DGKH: variants seen among roughly 807,000 people sequenced by gnomAD.
DGKH encodes DAG kinase eta.
In DGKH, 90 loss-of-function variants were observed where a neutral mutation model predicts 159.3. The ratio of observed to expected loss-of-function variants is 0.57; its 90% CI spans 0.48 to 0.67. The LOEUF (loss-of-function observed/expected upper bound fraction) is 0.67. DGKH is among the 30% of genes least tolerant of loss of function. The pLI is 0.00. For missense variants in DGKH, 1,181 were observed against 1,506.1 expected (o/e 0.78, Z 3.57); for synonymous variants, 536 against 553.8 (o/e 0.97, Z 0.45).
chr13:42,230,740 A>G lies in DGKH; in HGVS notation c.*1552A>G, dbSNP rs1009491802. 6.6e-6 allele frequency: 1 copy of G among 152,098 alleles called. No individual in the cohort carries two copies. Among genetic ancestry groups the G allele is most frequent in the Non-Finnish European group, 1.5e-5 (1 of 68,028 alleles). 9.4% of individuals were successfully genotyped at this position (152,098 alleles called of 1,614,324 possible). A position where few individuals can be genotyped will look rare whatever the true frequency, so the allele number is the denominator to read the frequency against. ...TATATGTGTATATATATACCTACATACATATAACCTTGTGATATGGCATCA... is the reference window on the plus strand; with the variant it reads ...TATATGTGTATATATATACCTACATGCATATAACCTTGTGATATGGCATCA... On this transcript the variant is annotated 3_prime_UTR_variant, in exon 30 of 30. Transcript: ENST00000337343.
chr13:42,187,097 G>T lies in DGKH; in HGVS notation c.1587G>T (p.Thr529=). The T allele has an allele frequency of 6.2e-7, 1 of 1,614,090 alleles. No individual in the cohort carries two copies. Among genetic ancestry groups the T allele is most frequent in the Non-Finnish European group, 8.5e-7 (1 of 1,179,964 alleles). ...VKDFVAKVEK[T]YDKTLENAVV... ...ACTTCGTTGCCAAAGTAGAAAAGACGTATGACAAAACCTTGGAAAATGCCG... is the reference window on the plus strand; with the variant it reads ...ACTTCGTTGCCAAAGTAGAAAAGACTTATGACAAAACCTTGGAAAATGCCG... The change falls in exon 14 of 30, where the codon ACG becomes ACT. Residue 529 remains threonine, a synonymous_variant. Coordinates refer to ENST00000337343, the MANE Select transcript of DGKH (RefSeq NM_178009.5).
chr13:42,146,455 CAT>C (rs1447050072), intron 3 of DGKH, among the ~76,000 whole-genome samples: 1 of 152,094 alleles, frequency 6.6e-6, no homozygotes, highest in African/African-American at 2.4e-5. Flanking sequence ...TGTACAAAGA[CAT>C]GTATACAAGG....
At chr13:42,130,648 CAG>C (rs1955271591) in intron 3 of DGKH, among the ~76,000 whole-genome samples, 1 of 152,128 alleles carries the variant, frequency 6.6e-6, no homozygotes, top group African/African-American at 2.4e-5. Context: ...CTAGGCATGA[CAG>C]AGCAGGGGAG....
rs1566152614 is a variant in DGKH, at chr13:42,168,755, A to G, written c.1304A>G (p.Asp435Gly). 5 of 1,614,174 alleles carry G rather than the reference A, an allele frequency of 3.1e-6. No individual in the cohort carries two copies. The highest frequency in any genetic ancestry group is 3.4e-6 in the Non-Finnish European group (4 of 1,180,016). ...CTTGGCTGGGGAGGTTCATATGACGATGACACCCAACTTCCTCAGATCCTA... is the reference window on the plus strand; with the variant it reads ...CTTGGCTGGGGAGGTTCATATGACGGTGACACCCAACTTCCTCAGATCCTA... ...RVLGWGGSYD[D>G]DTQLPQILEK... The change falls in exon 11 of 30, where the codon GAT becomes GGT. Residue 435 changes from aspartate (D) to glycine (G), a missense_variant. By Grantham distance (94) the Asp-to-Gly change is moderately conservative. Coordinates refer to ENST00000337343, the MANE Select transcript of DGKH (RefSeq NM_178009.5).
At chr13:42,098,527 T>A (rs1954591756) in intron 1 of DGKH, among the ~76,000 whole-genome samples, 1 of 152,144 alleles carries the variant, frequency 6.6e-6, no homozygotes, top group Non-Finnish European at 1.5e-5. Flanking sequence ...TTTGTTAATG[T>A]GTAGTGGCAT....
At chr13:42,138,021 T>G in intron 3 of DGKH, 2 of 897,840 alleles carry the variant, frequency 2.2e-6, no homozygotes, top group Non-Finnish European at 2.7e-6. Flanking sequence ...ACAGGCCCCT[T>G]GTGAGGTAAT....
At chr13:42,206,012 C>CTTTT in intron 20 of DGKH, 27 bp from the exon 21 acceptor site, 110 of 1,130,876 alleles carry the variant, frequency 9.7e-5, no homozygotes, top group Non-Finnish European at 1.2e-4. Flanking sequence ...CTAATCTCTA[C>CTTTT]TTTTTTTTTT....
intron 1 of DGKH, among the ~76,000 whole-genome samples, chr13:42,107,478 C>G (rs1299230664): frequency 1.3e-5 from 2 of 152,148 alleles, no homozygotes; most frequent in African/African-American, 4.8e-5. Context: ...GATGAACAAC[C>G]AATAAAGATT....
At chr13:42,189,966 C>G (rs1005718517) in intron 15 of DGKH, among the ~76,000 whole-genome samples, 44 of 152,088 alleles carry the variant, frequency 2.9e-4, no homozygotes, top group Non-Finnish European at 7.4e-5. Flanking sequence ...CTGCACCCTG[C>G]CAGAAAATAT....
chr13:42,096,821 A>T (rs543735524), intron 1 of DGKH, among the ~76,000 whole-genome samples: 2 of 152,350 alleles, frequency 1.3e-5, no homozygotes, highest in African/African-American at 2.4e-5. Context: ...GAAAATGTAC[A>T]AAGATTATTC....
chr13:42,168,870 A>AT (rs34761363), intron 11 of DGKH, 52 bp downstream of exon 11: 186,390 of 1,533,878 alleles, frequency 0.12, 14,621 homozygotes, highest in East Asian at 0.43. Context: ...TACTGAAATC[A>AT]TTTTTTTGAT....
In DGKH at chr13:42,219,724, C is replaced by T. The variant is rs1957917406; in HGVS notation, c.3372C>T (p.Ser1124=). ...ATTGCACCAAAAGGAACAACAGAAG[C>T]ACCGTATTTCGAATAGTGCCAAAGT... ...PMDCTKRNNR[S]TVFRIVPKFK... is the part of the protein sequence containing the mutation. The change falls in exon 28 of 30, where the codon AGC becomes AGT. Residue 1124 remains serine, a synonymous_variant. Coordinates refer to ENST00000337343, the MANE Select transcript of DGKH (RefSeq NM_178009.5). 3 of 1,613,678 alleles carry T rather than the reference C, an allele frequency of 1.9e-6. No homozygotes were observed. Among genetic ancestry groups the T allele is most frequent in the African/African-American group, 1.3e-5 (1 of 74,880 alleles).
chr13:42,041,456 G>T (rs1880500522), intron 1 of DGKH, among the ~76,000 whole-genome samples: 2 of 152,214 alleles, frequency 1.3e-5, no homozygotes, highest in Non-Finnish European at 2.9e-5. Context: ...GGTTTTGCCG[G>T]GGACGAAGCA....
chr13:42,174,339 AG>A (rs1383622508), intron 12 of DGKH, among the ~76,000 whole-genome samples, 195 bp downstream of exon 12: 4 of 152,304 alleles, frequency 2.6e-5, no homozygotes, highest in African/African-American at 9.6e-5. Context: ...TCTAGGCTAG[AG>A]TCCTTCCATG....
intron 11 of DGKH, among the ~76,000 whole-genome samples, chr13:42,170,142 A>G (rs1407471887): frequency 5.3e-5 from 8 of 152,236 alleles, no homozygotes; most frequent in Non-Finnish European, 7.3e-5. Flanking sequence ...GTGGTTACCA[A>G]ACAAAAGGGG....
intron 13 of DGKH, among the ~76,000 whole-genome samples, chr13:42,181,141 A>G (rs562091654): frequency 3.3e-5 from 5 of 151,934 alleles, no homozygotes; most frequent in South Asian, 2.1e-4. Flanking sequence ...GCCGGGCGTG[A>G]TGGTGGGCGC....
Position 42,197,568 on chromosome 13 carries a change from G to T in DGKH, c.2168-910G>T, listed in dbSNP as rs538732089. 2.0e-5 allele frequency among the ~76,000 whole-genome samples: 3 copies of T among 152,268 alleles called. No homozygotes were observed. The South Asian group carries it at 6.2e-4, about 32-fold the overall frequency. ...GTTTGCTAAAGAAAGGAATTGCTGG[G>T]CATGGTGGCACATGCCCTGTAGTCC... On this transcript the variant is annotated intron_variant, in intron 17 of 29. Transcript: ENST00000337343.
chr13:42,252,671 G>C (rs915362427), intron 30 of DGKH, among the ~76,000 whole-genome samples: 1 of 152,092 alleles, frequency 6.6e-6, no homozygotes, highest in African/African-American at 2.4e-5. Context: ...GCAATTGCAC[G>C]CTAATTCTAT....
chr13:42,163,288 G>T (rs896538936), intron 7 of DGKH, among the ~76,000 whole-genome samples: 1 of 152,044 alleles, frequency 6.6e-6, no homozygotes, highest in African/African-American at 2.4e-5. Flanking sequence ...TTGGTTCCAA[G>T]TCTTTGCTTT....
Sources: gnomAD v4.1 joint callset for allele counts (sites outside exome capture counted in the v4.1 genomes callset) on GRCh38, gnomAD v4.1.1 for gene constraint, MANE v1.5 for transcripts, NCBI Gene and HGNC (gene_info 2026-07-23, HGNC 2026-07-21) for gene names.